Variants in SOX5 observed in about 807,000 individuals in gnomAD.
SOX5 encodes SRY-box transcription factor 5, also known as transcription factor SOX-5.
Under a neutral mutation model 92.0 loss-of-function variants are expected in SOX5, and 9 were observed. The ratio of observed to expected loss-of-function variants is 0.10; its 90% confidence interval spans 0.06 to 0.17. The LOEUF (loss-of-function observed/expected upper bound fraction) is 0.17. Ranked by LOEUF, SOX5 falls within the 10% of genes least tolerant of loss-of-function variation. The pLI, the probability that SOX5 is intolerant of heterozygous loss-of-function variation, is 1.00. For missense variants in SOX5, 642 were observed against 944.5 expected, an observed-to-expected ratio of 0.68 and a Z score of 4.20; for synonymous variants, 344 against 336.3, an observed-to-expected ratio of 1.02 and a Z score of -0.25.
At chr12:24,508,290 A>C (rs566582402) in intron 1 of SOX5, among the ~76,000 whole-genome samples, 1 of 152,258 alleles carries the variant, frequency 6.6e-6, no homozygotes, top group East Asian at 1.9e-4. Context: ...TACTGAAAAA[A>C]CTGCAGACAA....
intron 4 of SOX5, among the ~76,000 whole-genome samples, chr12:24,005,738 T>C (rs1405088855): frequency 6.6e-6 from 1 of 152,132 alleles, no homozygotes; most frequent in Non-Finnish European, 1.5e-5. Flanking sequence ...ACTCATTGAG[T>C]GAATGAATGA....
At chr12:24,229,243 G>C (rs1348084742) in intron 3 of SOX5, among the ~76,000 whole-genome samples, 1 of 152,198 alleles carries the variant, frequency 6.6e-6, no homozygotes, top group Non-Finnish European at 1.5e-5. Context: ...CAACCTAATA[G>C]CTTAGCATGC....
chr12:24,043,975 T>C (rs1247691292), intron 4 of SOX5, among the ~76,000 whole-genome samples: 1 of 152,188 alleles, frequency 6.6e-6, no homozygotes, highest in Non-Finnish European at 1.5e-5. Flanking sequence ...AAGGATTATA[T>C]TGAATAAGTC....
chr12:24,191,122 C>T (rs1412140572), intron 4 of SOX5, among the ~76,000 whole-genome samples: 1 of 152,084 alleles, frequency 6.6e-6, no homozygotes, highest in Non-Finnish European at 1.5e-5. Flanking sequence ...CTCCCTTTTC[C>T]TGCTTTGTGT....
At chr12:23,534,815 T>G (rs1017904691) in intron 14 of SOX5, among the ~76,000 whole-genome samples, 6 of 151,626 alleles carry the variant, frequency 4.0e-5, no homozygotes, top group Non-Finnish European at 8.8e-5. Flanking sequence ...GTTCAAGCGA[T>G]TCTCCTGCCT....
chr12:24,195,026 G>T (rs1209911178), intron 4 of SOX5, among the ~76,000 whole-genome samples: 5 of 151,792 alleles, frequency 3.3e-5, no homozygotes. Context: ...ATTAGAAATG[G>T]TCATGGTAAA....
intron 6 of SOX5, among the ~76,000 whole-genome samples, chr12:23,717,234 G>T (rs951634256): frequency 2.6e-5 from 4 of 152,148 alleles, no homozygotes; most frequent in African/African-American, 9.7e-5. Context: ...ATATCAACTT[G>T]GGGGTCCTTC....
At chr12:24,454,710 T>C (rs531292915) in intron 1 of SOX5, among the ~76,000 whole-genome samples, 62 of 152,342 alleles carry the variant, frequency 4.1e-4, no homozygotes, top group African/African-American at 1.5e-3. Flanking sequence ...TGAGTAAAAT[T>C]ATATGCTTGG....
At chr12:23,874,684 C>T (rs77208284) in intron 2 of SOX5, among the ~76,000 whole-genome samples, 6,901 of 152,032 alleles carry the variant, frequency 0.045, 534 homozygotes, top group African/African-American at 0.16. Flanking sequence ...AGATGAATTC[C>T]AAGAGGCACA....
At chr12:23,666,849 CTA>C (rs1328717581) in intron 6 of SOX5, among the ~76,000 whole-genome samples, 1 of 152,174 alleles carries the variant, frequency 6.6e-6, no homozygotes, top group Non-Finnish European at 1.5e-5. Flanking sequence ...TATTCAGTCA[CTA>C]ATCCTAACAG....
intron 1 of SOX5, among the ~76,000 whole-genome samples, chr12:23,898,313 T>G (rs2097197447): frequency 6.6e-6 from 1 of 152,198 alleles, no homozygotes; most frequent in Non-Finnish European, 1.5e-5. Context: ...GCATTATCAT[T>G]CTTACTGGAA....
chr12:24,030,950 C>T (rs1955435889), intron 4 of SOX5, among the ~76,000 whole-genome samples: 1 of 151,852 alleles, frequency 6.6e-6, no homozygotes, highest in South Asian at 2.1e-4. Context: ...AAGTACTCAA[C>T]ATCACTAATC....
At chr12:23,688,877 A>G (rs1479449) in intron 6 of SOX5, among the ~76,000 whole-genome samples, 65,970 of 151,874 alleles carry the variant, frequency 0.43, 14,558 homozygotes, top group East Asian at 0.66. Flanking sequence ...GGCGTGTTCA[A>G]TAAATGTCTG....
chr12:24,411,162 G>T lies in SOX5; in HGVS notation c.-250-42523C>A, dbSNP rs539617912. On this transcript the variant is annotated intron_variant, in intron 1 of 4. Coordinates refer to the SOX5 transcript ENST00000446891. Reference sequence around the variant, plus strand: ...TCGTATGTTTATATCTTGCTACCTTGCTAAACTCAAATTAGTTTTGGGAGT... The same window carrying T: ...TCGTATGTTTATATCTTGCTACCTTTCTAAACTCAAATTAGTTTTGGGAGT... 2.7e-5 allele frequency among the ~76,000 whole-genome samples: 4 copies of T among 150,764 alleles called. No homozygotes were observed. In the East Asian group the frequency reaches 7.8e-4, roughly 29 times the overall value.
intron 8 of SOX5, among the ~76,000 whole-genome samples, chr12:23,627,930 T>A (rs2078044824): frequency 6.6e-6 from 1 of 151,988 alleles, no homozygotes; most frequent in Non-Finnish European, 1.5e-5. Context: ...GTGCAAATAT[T>A]CTATGTACAA....
At chr12:24,397,695 A>G (rs1960395369) in intron 1 of SOX5, among the ~76,000 whole-genome samples, 1 of 152,082 alleles carries the variant, frequency 6.6e-6, no homozygotes, top group Non-Finnish European at 1.5e-5. Context: ...AAACTTTAAA[A>G]TGTCAGGAAG....
At chr12:24,232,912 G>T (rs1963702769) in intron 3 of SOX5, among the ~76,000 whole-genome samples, 1 of 152,154 alleles carries the variant, frequency 6.6e-6, no homozygotes, top group South Asian at 2.1e-4. Flanking sequence ...CCACATGGCA[G>T]CAATCTACTG....
chr12:23,622,404 A>G (rs910831797), intron 8 of SOX5, among the ~76,000 whole-genome samples: 84 of 152,220 alleles, frequency 5.5e-4, no homozygotes, highest in African/African-American at 1.9e-3. Flanking sequence ...AAAAAATCTA[A>G]TATTTCTCTT....
chr12:24,216,445 C>T (rs904786699), intron 3 of SOX5, among the ~76,000 whole-genome samples: 1 of 152,034 alleles, frequency 6.6e-6, no homozygotes, highest in Non-Finnish European at 1.5e-5. Context: ...GGTCACGCCA[C>T]CGCACTACAG....
Sources: allele counts gnomAD v4.1 joint callset (sites outside exome capture counted in the v4.1 genomes callset), GRCh38; gene constraint gnomAD v4.1.1; transcripts MANE v1.5; gene names NCBI Gene and HGNC (gene_info 2026-07-23, HGNC 2026-07-21).